The following TEAD4 variants were observed in gnomAD, a reference collection of about 807,000 sequenced individuals.
TEAD4 encodes transcriptional enhancer factor TEF-3.
In TEAD4, 36 loss-of-function variants were observed where a neutral mutation model predicts 52.4. The observed-to-expected ratio is 0.69, with a 90% CI of 0.53 to 0.91. The LOEUF is 0.91. Among genes scored for constraint, TEAD4 ranks in the 40% least tolerant of loss-of-function variants. The probability of loss-of-function intolerance (pLI) is 0.00; values close to 1 mark genes in which losing one functional copy is unlikely to be tolerated. For synonymous variants in TEAD4, 220 were observed against 231.0 expected (o/e 0.95, Z 0.43); for missense variants, 508 against 583.9 (o/e 0.87, Z 1.34).
intron 5 of TEAD4, among the ~76,000 whole-genome samples, chr12:3,013,663 A>T (rs1344650826): frequency 6.6e-6 from 1 of 152,012 alleles, no homozygotes; most frequent in African/African-American, 2.4e-5. Context: ...GAACCTGGGA[A>T]GTGGAGGTTG....
intron 2 of TEAD4, among the ~76,000 whole-genome samples, chr12:2,965,734 C>T (rs985646593): frequency 5.3e-5 from 8 of 151,964 alleles, no homozygotes; most frequent in Admixed American, 2.0e-4. Context: ...TTAGTAGAGA[C>T]GGGGTTTCAC....
chr12:2,995,383 C>A (rs2153955442), intron 3 of TEAD4, among the ~76,000 whole-genome samples: 1 of 152,260 alleles, frequency 6.6e-6, no homozygotes, highest in Non-Finnish European at 1.5e-5. Flanking sequence ...ATTCATGCAA[C>A]AAACAGATGC....
At chr12:2,971,394 A>G (rs986171274) in intron 2 of TEAD4, among the ~76,000 whole-genome samples, 6 of 152,048 alleles carry the variant, frequency 3.9e-5, no homozygotes, top group African/African-American at 1.2e-4. Context: ...TTTGAGGGCT[A>G]TTGTCATGAA....
intron 2 of TEAD4, among the ~76,000 whole-genome samples, chr12:2,962,864 AC>A (rs2098216916): frequency 1.3e-5 from 2 of 152,048 alleles, no homozygotes; most frequent in African/African-American, 4.8e-5. Flanking sequence ...AGGGATTAGA[AC>A]CTATGCTCTC....
At position 3,021,888 on chromosome 12, in the gene TEAD4, C is replaced by T; in HGVS notation, c.768C>T (p.Ser256=). The T allele has an allele frequency of 6.2e-7, 1 of 1,614,246 alleles. No homozygotes were observed. The highest frequency in any genetic ancestry group is 8.5e-7 in the Non-Finnish European group (1 of 1,180,048). ...TGCACATTGGCCAGTCCAGCCCAAG[C>T]TACAGCGACCCCTACCTCGAAGCCG... The change falls in exon 10 of 13, where the codon AGC becomes AGT. Residue 256 remains serine, a synonymous_variant. Transcript: ENST00000359864.
At chr12:2,989,181 C>T (rs7953313) in intron 2 of TEAD4, among the ~76,000 whole-genome samples, 10,198 of 152,100 alleles carry the variant, frequency 0.067, 382 homozygotes, top group Middle Eastern at 0.092. Context: ...TTCAAGCAAC[C>T]CTCCTGCCTC....
In TEAD4 at chr12:3,011,035, G is replaced by A. The variant is rs1351833187; in HGVS notation, c.258G>A (p.Lys86=). 1 of 1,614,044 alleles carries A rather than the reference G, an allele frequency of 6.2e-7. No individual in the cohort carries two copies. Among genetic ancestry groups the A allele is most frequent in the South Asian group, 1.1e-5 (1 of 91,084 alleles). ...ACGAGCTGATTGCCCGCTACATCAA[G>A]CTCCGGACAGGGAAGACCCGCACCA... The change falls in exon 4 of 13, where the codon AAG becomes AAA. Residue 86 remains lysine, a synonymous_variant. Coordinates refer to ENST00000359864, the MANE Select transcript of TEAD4 (RefSeq NM_003213.4).
chr12:3,020,565 C>T, intron 8 of TEAD4, 69 bp from the exon 9 acceptor site: 1 of 1,448,548 alleles, frequency 6.9e-7, no homozygotes, highest in Non-Finnish European at 9.1e-7. Flanking sequence ...GGCCTGGGGT[C>T]CTTGCAGAGG....
chr12:2,981,332 C>T (rs2098233951), intron 2 of TEAD4, among the ~76,000 whole-genome samples: 2 of 152,260 alleles, frequency 1.3e-5, no homozygotes, highest in Admixed American at 6.5e-5. Flanking sequence ...CCCTGGCCTC[C>T]TCCCTTTGTC....
chr12:2,962,211 G>A (rs554503214), intron 2 of TEAD4, among the ~76,000 whole-genome samples: 7 of 147,750 alleles, frequency 4.7e-5, no homozygotes, highest in South Asian at 4.2e-4. Flanking sequence ...TGCAACCTCC[G>A]CCTCCTGGGT....
In TEAD4 at chr12:3,021,951, A is replaced by G. The variant is rs1329250756; in HGVS notation, c.831A>G (p.Lys277=). ...AAATCTATGACAAATTCCCGGAGAA[A>G]AAGGGTGGACTCAAGGATCTCTTCG... is the stretch of plus-strand genomic sequence containing the variant. The change falls in exon 10 of 13, where the codon AAA becomes AAG. Residue 277 remains lysine (K), a synonymous_variant. Coordinates refer to ENST00000359864, the MANE Select transcript of TEAD4 (RefSeq NM_003213.4). 2.5e-6 allele frequency: 4 copies of G among 1,614,238 alleles called. No homozygotes were observed.
In TEAD4 at chr12:2,972,764, G is replaced by T. The variant is rs2098226344; in HGVS notation, c.-30+12724G>T. On this transcript the variant is annotated intron_variant, in intron 2 of 12. Transcript: ENST00000359864. ...GATCCGCCCGCCTCGGCCTCCCAAA[G>T]TGCTGGGATTACAGGCGTGAGCCAC... Among the ~76,000 whole-genome samples, 3 of 152,070 alleles carry T rather than the reference G, an allele frequency of 2.0e-5. No individual in the cohort carries two copies. The South Asian group carries it at 6.2e-4, about 32-fold the overall frequency.
rs3782841 is a variant in TEAD4 at position 3,007,850 on chromosome 12, G to A, written c.227-3154G>A. Among the ~76,000 whole-genome samples the A allele has an allele frequency of 6.6e-3, 1,002 of 152,316 alleles. 24 individuals carry two copies. The East Asian group carries it at 0.084, about 13-fold the overall frequency. Reference sequence around the variant, plus strand: ...TTCAATGAGACCAGGATAGGACAGCGCCTTAAGAGTTACGTCGGACTAATC... The same window carrying A: ...TTCAATGAGACCAGGATAGGACAGCACCTTAAGAGTTACGTCGGACTAATC... On this transcript the variant is annotated intron_variant, in intron 3 of 12. Coordinates refer to ENST00000359864, the MANE Select transcript of TEAD4 (RefSeq NM_003213.4).
intron 2 of TEAD4, among the ~76,000 whole-genome samples, chr12:2,991,240 A>G (rs867702452): frequency 1.3e-5 from 2 of 152,232 alleles, no homozygotes; most frequent in Non-Finnish European, 2.9e-5. Context: ...GATGAAAAAT[A>G]AAAAACCAGC....
chr12:2,965,306 C>T (rs1243998034), intron 2 of TEAD4, among the ~76,000 whole-genome samples: 3 of 151,214 alleles, frequency 2.0e-5, no homozygotes, highest in Non-Finnish European at 2.9e-5. Flanking sequence ...TACAGGTATA[C>T]GCCACCACAC....
chr12:3,023,779 C>G (rs138482068), intron 10 of TEAD4, among the ~76,000 whole-genome samples: 2 of 123,148 alleles, frequency 1.6e-5, no homozygotes, highest in Non-Finnish European at 3.4e-5. Context: ...GGCAACAGAG[C>G]GAGACTGTCT....
intron 10 of TEAD4, among the ~76,000 whole-genome samples, chr12:3,029,051 A>C (rs1342414952): frequency 4.6e-5 from 7 of 151,880 alleles, no homozygotes; most frequent in Non-Finnish European, 8.8e-5. Context: ...CATTCTGTTG[A>C]ATGTCTTTTC....
chr12:3,028,400 C>G (rs1487004831), intron 10 of TEAD4, among the ~76,000 whole-genome samples: 1 of 152,152 alleles, frequency 6.6e-6, no homozygotes, highest in Admixed American at 6.5e-5. Flanking sequence ...GTGGCTGCAC[C>G]GTTTTCTGTT....
rs1417213825 is a variant in TEAD4 at position 2,987,625 on chromosome 12, G to A, written c.-29-7113G>A. The stretch of plus-strand genomic sequence containing the variant: ...AATGTTTTGTATTTTTAGTAGAGAC[G>A]GGGTTTCACCGTGGTCTCGATCTCC... On this transcript the variant is annotated intron_variant, in intron 2 of 12. Transcript: ENST00000359864. 8.6e-5 allele frequency among the ~76,000 whole-genome samples: 13 copies of A among 151,572 alleles called. No individual in the cohort carries two copies. In the East Asian group the frequency reaches 1.8e-3, roughly 21 times the overall value.
Sources: allele counts gnomAD v4.1 joint callset (sites outside exome capture counted in the v4.1 genomes callset), GRCh38; gene constraint gnomAD v4.1.1; transcripts MANE v1.5; gene names NCBI Gene and HGNC (gene_info 2026-07-23, HGNC 2026-07-21).